The following SLC8A1 variants were observed in gnomAD, a reference collection of about 807,000 sequenced individuals.
The protein encoded by SLC8A1 is solute carrier family 8 member A1.
SLC8A1 carries 18 observed loss-of-function variants against 68.3 expected under a neutral mutation model. The observed-to-expected ratio is 0.26, with a 90% CI of 0.18 to 0.39. SLC8A1 has a LOEUF of 0.39. SLC8A1 is among the 10% of genes least tolerant of loss of function. SLC8A1 has a pLI of 1.00. For missense variants in SLC8A1, 985 were observed against 1,156.7 expected (o/e 0.85, Z 2.15); for synonymous variants, 475 against 415.5 (o/e 1.14, Z -1.74).
intron 7 of SLC8A1, among the ~76,000 whole-genome samples, chr2:40,133,217 GCA>G (rs2039747136): frequency 6.6e-6 from 1 of 152,100 alleles, no homozygotes; most frequent in South Asian, 2.1e-4. Flanking sequence ...CCCTCTTGGT[GCA>G]CAGTCGTTAA....
intron 2 of SLC8A1, among the ~76,000 whole-genome samples, chr2:40,235,722 C>G (rs1304088865): frequency 4.0e-5 from 6 of 150,968 alleles, no homozygotes; most frequent in East Asian, 1.9e-4. Context: ...TTCCTGCTTT[C>G]TCTTGTGGGC....
At chr2:40,200,233 T>A (rs1413911307) in intron 2 of SLC8A1, among the ~76,000 whole-genome samples, 1,114 of 32,182 alleles carry the variant, frequency 0.035, 231 homozygotes, top group African/African-American at 0.071. Context: ...TTTATATATA[T>A]ATATAAATAT....
At chr2:40,162,168 G>A (rs2045802077) in intron 5 of SLC8A1, among the ~76,000 whole-genome samples, 1 of 152,168 alleles carries the variant, frequency 6.6e-6, no homozygotes, top group African/African-American at 2.4e-5. Flanking sequence ...CCAGCTTTGT[G>A]TCTAGAACTG....
chr2:40,284,545 T>C (rs1369591461), intron 2 of SLC8A1, among the ~76,000 whole-genome samples: 1 of 147,060 alleles, frequency 6.8e-6, no homozygotes, highest in East Asian at 1.9e-4. Context: ...TCTCTATTTA[T>C]ATATATGTTG....
At chr2:40,451,512 C>T (rs1022989171) in intron 1 of SLC8A1, among the ~76,000 whole-genome samples, 2 of 152,156 alleles carry the variant, frequency 1.3e-5, no homozygotes, top group Admixed American at 1.3e-4. Context: ...ACGCCTGGAT[C>T]CCCAGCAGCT....
At chr2:40,425,887 A>G (rs1246335321) in intron 2 of SLC8A1, among the ~76,000 whole-genome samples, 1 of 152,022 alleles carries the variant, frequency 6.6e-6, no homozygotes, top group African/African-American at 2.4e-5. Flanking sequence ...TATATACCCA[A>G]AGAAATATAA....
intron 1 of SLC8A1, among the ~76,000 whole-genome samples, chr2:40,434,897 C>A (rs1699092206): frequency 6.6e-6 from 1 of 152,042 alleles, no homozygotes; most frequent in African/African-American, 2.4e-5. Flanking sequence ...GAATAGAAAC[C>A]CACATCTACA....
intron 2 of SLC8A1, among the ~76,000 whole-genome samples, chr2:40,242,183 T>C (rs1215460722): frequency 6.6e-6 from 1 of 151,998 alleles, no homozygotes; most frequent in Non-Finnish European, 1.5e-5. Context: ...AGAATATGAA[T>C]ATGAATATGA....
In SLC8A1 at chr2:40,200,188, A is replaced by T. The variant is rs1207368428; in HGVS notation, c.1809-22333T>A. On this transcript the variant is annotated intron_variant, in intron 2 of 7. Transcript: ENST00000406785. ...TCAAGTCATTGATATATATATATATATATTTATATATATATATAAATATAT... is the reference window on the plus strand; with the variant it reads ...TCAAGTCATTGATATATATATATATTTATTTATATATATATATAAATATAT... Among the ~76,000 whole-genome samples the T allele has an allele frequency of 1.3e-3, 13 of 10,168 alleles. 3 individuals are homozygous for T. The highest frequency in any genetic ancestry group is 2.5e-3 in the African/African-American group (12 of 4,722). 6.7% of individuals were successfully genotyped at this position (10,168 alleles called of 152,430 possible). A position where few individuals can be genotyped will look rare whatever the true frequency, so the allele number is the denominator to read the frequency against.
At chr2:40,293,573 A>G (rs1400811179) in intron 2 of SLC8A1, among the ~76,000 whole-genome samples, 1 of 152,186 alleles carries the variant, frequency 6.6e-6, no homozygotes. Flanking sequence ...CTCTTCCCTT[A>G]ATATGAGGGA....
chr2:40,315,830 A>G (rs1301328249), intron 2 of SLC8A1, among the ~76,000 whole-genome samples: 1 of 152,010 alleles, frequency 6.6e-6, no homozygotes, highest in Non-Finnish European at 1.5e-5. Flanking sequence ...CATGGTGATA[A>G]TGTATTAAGA....
At chr2:40,446,973 T>C (rs558429347) in intron 1 of SLC8A1, among the ~76,000 whole-genome samples, 8 of 152,352 alleles carry the variant, frequency 5.3e-5, no homozygotes, top group African/African-American at 1.9e-4. Context: ...TTGAAGTAAA[T>C]TGCTGAATCA....
rs77252903 is a variant in SLC8A1, at chr2:40,428,452, C to T, written c.1808+21G>A. 9.8e-5 allele frequency: 145 copies of T among 1,478,660 alleles called. No individual in the cohort carries two copies. The Middle Eastern group carries it at 1.1e-3, about 11-fold the overall frequency. The allele number at this position is 1,478,660 out of a possible 1,614,324, so 91.6% of individuals were successfully genotyped here. A position where few individuals can be genotyped will look rare whatever the true frequency, so the allele number is the denominator to read the frequency against. ...ACACACACACACACACACACACACA[C>T]ATATATAATATAGAACTTACACAAT... On this transcript the variant is annotated intron_variant, in intron 2 of 7. Coordinates refer to ENST00000406785, the Ensembl canonical transcript of SLC8A1.
At position 40,412,905 on chromosome 2, in the gene SLC8A1, A is replaced by AT. The variant is rs888269596; in HGVS notation, c.1808+15567dup. ...GTATTTTTTCTGGTTATCATTGCTGATTTTTTTTTATTATACTTTAAGTTT... is the reference window on the plus strand; with the variant it reads ...GTATTTTTTCTGGTTATCATTGCTGATTTTTTTTTTATTATACTTTAAGTTT... On this transcript the variant is annotated intron_variant, in intron 2 of 7. Coordinates refer to ENST00000406785, the Ensembl canonical transcript of SLC8A1. 3.4e-4 allele frequency among the ~76,000 whole-genome samples: 52 copies of AT among 151,744 alleles called. 1 individual carries two copies. In the East Asian group the frequency reaches 6.8e-3, roughly 20 times the overall value.
At chr2:40,332,475 C>T (rs978395287) in intron 2 of SLC8A1, among the ~76,000 whole-genome samples, 1 of 152,058 alleles carries the variant, frequency 6.6e-6, no homozygotes. Context: ...GTATCTTTAT[C>T]CCGTGAGTTC....
chr2:40,250,887 G>C (rs1371988040), intron 2 of SLC8A1: 1 of 152,140 alleles, frequency 6.6e-6, no homozygotes, highest in African/African-American at 2.4e-5. Flanking sequence ...TCCAATGATT[G>C]ATTGGATCAC....
At chr2:40,407,270 T>C (rs1431486860) in intron 2 of SLC8A1, among the ~76,000 whole-genome samples, 2 of 152,172 alleles carry the variant, frequency 1.3e-5, no homozygotes, top group Non-Finnish European at 2.9e-5. Context: ...TTCACCATGT[T>C]GGCCAGGCTG....
At chr2:40,308,447 T>C (rs1369448420) in intron 2 of SLC8A1, among the ~76,000 whole-genome samples, 1 of 152,122 alleles carries the variant, frequency 6.6e-6, no homozygotes, top group East Asian at 1.9e-4. Context: ...TGATACAACA[T>C]GCTACAGAAA....
exon 2 of SLC8A1, chr2:40,429,300 A>C: frequency 6.2e-7 from 1 of 1,613,930 alleles, no homozygotes; most frequent in Non-Finnish European, 8.5e-7. Context: ...TCAGAATCCT[A>C]GCCATTTCTC....
Sources: gnomAD v4.1 joint callset for allele counts (sites outside exome capture counted in the v4.1 genomes callset) on GRCh38, gnomAD v4.1.1 for gene constraint, MANE v1.5 for transcripts, NCBI Gene and HGNC (gene_info 2026-07-23, HGNC 2026-07-21) for gene names.